Variants in DRC4 observed in about 807,000 individuals in gnomAD.
The protein encoded by DRC4 is dynein regulatory complex subunit 4.
the DRC4 span, chr16:90,030,049 G>T: frequency 6.6e-6 from 1 of 152,164 alleles, no homozygotes; most frequent in Non-Finnish European, 1.5e-5. Context: ...GAGCCACCGC[G>T]CCTGGCAGTA....
the DRC4 span, among the ~76,000 whole-genome samples, chr16:90,024,713 C>T: frequency 6.6e-6 from 1 of 152,052 alleles, no homozygotes; most frequent in Admixed American, 6.6e-5. Context: ...TGCTTACACA[C>T]TTTTTAATTT....
chr16:90,031,573 G>A, the DRC4 span: 1 of 1,419,682 alleles, frequency 7.0e-7, no homozygotes, highest in Non-Finnish European at 9.5e-7. Context: ...GAGGGTGCAG[G>A]TGGGACATTT....
At chr16:90,032,502 TGAG>T in the DRC4 span, among the ~76,000 whole-genome samples, 9 of 130,918 alleles carry the variant, frequency 6.9e-5, no homozygotes, top group Non-Finnish European at 1.1e-4. Flanking sequence ...TACGGACAGG[TGAG>T]GAGGTGTGGT....
chr16:90,035,777 G>A, the DRC4 span: 1 of 1,612,198 alleles, frequency 6.2e-7, no homozygotes, highest in Admixed American at 1.7e-5. Flanking sequence ...TTAACTCAGG[G>A]AGCAAAAACT....
the DRC4 span, chr16:90,043,173 C>T: frequency 6.3e-7 from 1 of 1,594,804 alleles, no homozygotes; most frequent in South Asian, 1.1e-5. Context: ...CCTCAGCTCC[C>T]TGACACTGCC....
the DRC4 span, chr16:90,029,633 C>G: frequency 2.7e-5 from 6 of 222,412 alleles, no homozygotes; most frequent in African/African-American, 1.5e-4. Flanking sequence ...CTCAGAACCC[C>G]TCCTGCTGCT....
the DRC4 span, among the ~76,000 whole-genome samples, chr16:90,023,611 G>C: frequency 7.3e-6 from 1 of 137,834 alleles, no homozygotes; most frequent in Non-Finnish European, 1.7e-5. Context: ...ATTAAAAAGA[G>C]AGCAGTACAT....
At chr16:90,043,416 C>A in the DRC4 span, 1 of 1,382,708 alleles carries the variant, frequency 7.2e-7, no homozygotes, top group Non-Finnish European at 9.8e-7. Flanking sequence ...CTTATCACAC[C>A]AAGGACAGCA....
the DRC4 span, chr16:90,043,066 G>C: frequency 8.3e-6 from 9 of 1,081,156 alleles, no homozygotes; most frequent in Non-Finnish European, 1.2e-5. Flanking sequence ...CACGGGAAAT[G>C]ACTGATAAGC....
chr16:90,037,102 A>G, the DRC4 span: 1 of 830,322 alleles, frequency 1.2e-6, no homozygotes, highest in Non-Finnish European at 1.9e-6. Flanking sequence ...GAAGACGTCT[A>G]GGTGCCAGCA....
chr16:90,036,265 G>T, the DRC4 span: 1 of 887,430 alleles, frequency 1.1e-6, no homozygotes, highest in Non-Finnish European at 1.8e-6. Flanking sequence ...GCTTTTGCCT[G>T]CAAGGCTGTT....
chr16:90,044,733 T>A, the DRC4 span: 5 of 409,864 alleles, frequency 1.2e-5, no homozygotes, highest in East Asian at 3.6e-4. Flanking sequence ...CTGTCAGACT[T>A]GGGTGAGCAG....
chr16:90,026,839 C>T, the DRC4 span, among the ~76,000 whole-genome samples: 3 of 150,568 alleles, frequency 2.0e-5, no homozygotes, highest in African/African-American at 2.4e-5. Flanking sequence ...TGAGCCACTG[C>T]GCCTGGTCAC....
At chr16:90,033,741 C>T in the DRC4 span, among the ~76,000 whole-genome samples, 1 of 152,084 alleles carries the variant, frequency 6.6e-6, no homozygotes, top group African/African-American at 2.4e-5. Flanking sequence ...GCCTGCCCGA[C>T]TGGGGCTGTT....
the DRC4 span, among the ~76,000 whole-genome samples, chr16:90,033,516 C>T: frequency 6.6e-6 from 1 of 152,192 alleles, no homozygotes; most frequent in Non-Finnish European, 1.5e-5. Context: ...TAAAAGAAAA[C>T]ATTAGCTGGT....
chr16:90,022,585 G>C, the DRC4 span: 2 of 1,038,768 alleles, frequency 1.9e-6, no homozygotes, highest in African/African-American at 3.4e-5. Context: ...GCCTTTGGCA[G>C]GGCCGCTGCC....
the DRC4 span, among the ~76,000 whole-genome samples, chr16:90,024,240 G>A: frequency 6.6e-6 from 1 of 152,098 alleles, no homozygotes; most frequent in Admixed American, 6.6e-5. Context: ...GAACCTGGAA[G>A]GTAGAGGTTG....
the DRC4 span, chr16:90,036,721 C>T: frequency 7.6e-6 from 6 of 793,622 alleles, no homozygotes; most frequent in African/African-American, 1.7e-5. Flanking sequence ...TTGACAATGC[C>T]CCTCTCATAT....
At chr16:90,042,111 C>T in the DRC4 span, among the ~76,000 whole-genome samples, 18 of 152,110 alleles carry the variant, frequency 1.2e-4, no homozygotes, top group African/African-American at 2.6e-4. Flanking sequence ...GGCTACTTTT[C>T]GTATAGTAGA....
Sources: allele counts gnomAD v4.1 joint callset (sites outside exome capture counted in the v4.1 genomes callset), GRCh38; gene constraint gnomAD v4.1.1; transcripts MANE v1.5; gene names NCBI Gene and HGNC (gene_info 2026-07-23, HGNC 2026-07-21).